STPG2: variants seen among roughly 807,000 people sequenced by gnomAD.
STPG2 encodes sperm tail PG-rich repeat containing 2, also known as sperm-tail PG-rich repeat-containing protein 2.
A neutral mutation model predicts 54.2 loss-of-function variants in STPG2; 56 were observed. That is an observed-to-expected ratio of 1.03 (90% confidence interval 0.83 to 1.29). The LOEUF (loss-of-function observed/expected upper bound fraction) is 1.29. Among genes scored for constraint, STPG2 ranks in the 50% most tolerant of loss-of-function variants. STPG2 has a pLI of 0.00. For missense variants in STPG2, 596 were observed against 544.9 expected, an observed-to-expected ratio of 1.09 and a Z score of -0.93; for synonymous variants, 200 against 181.8, an observed-to-expected ratio of 1.10 and a Z score of -0.81.
intron 3 of STPG2, among the ~76,000 whole-genome samples, chr4:98,121,448 A>C (rs530019446): frequency 4.6e-5 from 7 of 151,784 alleles, no homozygotes; most frequent in African/African-American, 1.7e-4. Context: ...GTTTAAAGAA[A>C]ATAGCATTGA....
intron 10 of STPG2, among the ~76,000 whole-genome samples, chr4:97,680,580 G>C (rs1275232097): frequency 6.6e-6 from 1 of 152,042 alleles, no homozygotes; most frequent in African/African-American, 2.4e-5. Context: ...TGCAAACAGG[G>C]ACAATTAGAC....
intron 9 of STPG2, among the ~76,000 whole-genome samples, chr4:97,714,326 C>G (rs1386986652): frequency 6.6e-6 from 1 of 152,108 alleles, no homozygotes; most frequent in Non-Finnish European, 1.5e-5. Context: ...CAAAGAAGGA[C>G]ATCTAGGCTC....
intron 3 of STPG2, among the ~76,000 whole-genome samples, chr4:98,127,901 A>G (rs1270186979): frequency 1.3e-5 from 2 of 152,202 alleles, no homozygotes; most frequent in African/African-American, 4.8e-5. Flanking sequence ...TAAAAATAAA[A>G]TGTTTTTTCT....
intron 8 of STPG2, among the ~76,000 whole-genome samples, chr4:97,862,739 A>C (rs1219195052): frequency 1.3e-5 from 2 of 152,196 alleles, no homozygotes; most frequent in African/African-American, 2.4e-5. Context: ...AAATTATAAC[A>C]AACTGTCTCT....
intron 8 of STPG2, among the ~76,000 whole-genome samples, chr4:97,854,041 G>T (rs1729252237): frequency 1.3e-5 from 2 of 152,004 alleles, no homozygotes; most frequent in Non-Finnish European, 2.9e-5. Flanking sequence ...CCCCAGGCTG[G>T]TCTTGAACTC....
intron 10 of STPG2, among the ~76,000 whole-genome samples, chr4:97,573,840 C>T (rs1402944618): frequency 6.6e-6 from 1 of 152,032 alleles, no homozygotes; most frequent in Non-Finnish European, 1.5e-5. Flanking sequence ...ACAAATATGT[C>T]AGCACTGACT....
At chr4:97,685,354 C>CACACAATG (rs1252118565) in intron 10 of STPG2, among the ~76,000 whole-genome samples, 2 of 152,004 alleles carry the variant, frequency 1.3e-5, no homozygotes, top group Non-Finnish European at 2.9e-5. Context: ...ATGGAACATC[C>CACACAATG]ACACAATGGA....
intron 4 of STPG2, among the ~76,000 whole-genome samples, chr4:97,549,373 A>C (rs1485601872): frequency 6.6e-6 from 1 of 151,988 alleles, no homozygotes; most frequent in Admixed American, 6.5e-5. Flanking sequence ...ACTATATCTA[A>C]GTCTTTCACT....
chr4:97,930,839 C>A (rs1413149148), intron 8 of STPG2, among the ~76,000 whole-genome samples: 1 of 152,016 alleles, frequency 6.6e-6, no homozygotes, highest in Non-Finnish European at 1.5e-5. Flanking sequence ...TTGTTTGTGT[C>A]TTCTGTCTTC....
In STPG2 at chr4:97,675,673, T is replaced by TTG. The variant is rs138150741; in HGVS notation, c.1320+37024_1320+37025dup. Among the ~76,000 whole-genome samples the TTG allele has an allele frequency of 6.6e-3, 986 of 148,794 alleles. 4 individuals are homozygous for TTG. The highest frequency in any genetic ancestry group is 0.021 in the South Asian group (99 of 4,716). On this transcript the variant is annotated intron_variant, in intron 10 of 10. Transcript: ENST00000295268. ...GTTTTGTTTCCATGTGTGGGTGCATTTGTGTGTGTGTGTGTGTGTGCGCGC... is the reference window on the plus strand; with the variant it reads ...GTTTTGTTTCCATGTGTGGGTGCATTTGTGTGTGTGTGTGTGTGTGTGCGCGC...
At chr4:97,636,668 C>T (rs1467291682) in intron 10 of STPG2, among the ~76,000 whole-genome samples, 10 of 151,948 alleles carry the variant, frequency 6.6e-5, no homozygotes, top group Admixed American at 3.3e-4. Flanking sequence ...ATATTACCAC[C>T]AATCCCACAG....
chr4:98,104,660 T>A (rs952933177), intron 5 of STPG2, among the ~76,000 whole-genome samples: 1 of 152,200 alleles, frequency 6.6e-6, no homozygotes, highest in African/African-American at 2.4e-5. Context: ...TTTCACAGAG[T>A]TGATTTTCAA....
intron 1 of STPG2, among the ~76,000 whole-genome samples, chr4:98,139,443 A>C (rs1481658737): frequency 6.6e-6 from 1 of 152,168 alleles, no homozygotes; most frequent in Non-Finnish European, 1.5e-5. Context: ...TAAAGTCCCT[A>C]CATCTGTTCT....
intron 5 of STPG2, among the ~76,000 whole-genome samples, chr4:98,038,437 A>G (rs1736840303): frequency 6.6e-6 from 1 of 152,048 alleles, no homozygotes; most frequent in Non-Finnish European, 1.5e-5. Context: ...TTCATTTACT[A>G]GTACAATGTA....
At chr4:97,488,636 A>G (rs943101581) in intron 4 of STPG2, among the ~76,000 whole-genome samples, 1 of 151,686 alleles carries the variant, frequency 6.6e-6, no homozygotes, top group Non-Finnish European at 1.5e-5. Context: ...CCAGACTCAT[A>G]GCAAATCAGC....
At chr4:97,642,741 T>C (rs1721800170) in intron 10 of STPG2, among the ~76,000 whole-genome samples, 1 of 151,536 alleles carries the variant, frequency 6.6e-6, no homozygotes, top group Non-Finnish European at 1.5e-5. Context: ...GCTGAACTTA[T>C]TGAAAATATC....
chr4:97,738,738 C>T (rs1311716792), intron 9 of STPG2, among the ~76,000 whole-genome samples: 20 of 152,080 alleles, frequency 1.3e-4, no homozygotes, highest in Admixed American at 3.3e-4. Context: ...TACAAAGAGA[C>T]TTAGACTCCC....
At chr4:97,683,228 G>T (rs1384174684) in intron 10 of STPG2, among the ~76,000 whole-genome samples, 1 of 151,728 alleles carries the variant, frequency 6.6e-6, no homozygotes, top group East Asian at 1.9e-4. Context: ...GTTTCTAAAT[G>T]ATGCATACAT....
chr4:97,596,322 T>A (rs373944156), intron 10 of STPG2, among the ~76,000 whole-genome samples: 1 of 152,096 alleles, frequency 6.6e-6, no homozygotes, highest in African/African-American at 2.4e-5. Context: ...AGTATTACAC[T>A]GACACCATTA....
Sources: gnomAD v4.1 joint callset for allele counts (sites outside exome capture counted in the v4.1 genomes callset) on GRCh38, gnomAD v4.1.1 for gene constraint, MANE v1.5 for transcripts, NCBI Gene and HGNC (gene_info 2026-07-23, HGNC 2026-07-21) for gene names.